Variants in TAF2 observed in about 807,000 individuals in gnomAD.
The protein encoded by TAF2 is transcription initiation factor TFIID subunit 2.
TAF2 carries 61 observed loss-of-function variants against 138.5 expected under a neutral mutation model. The observed-to-expected ratio is 0.44, with a 90% CI of 0.36 to 0.54. The LOEUF is 0.54. Among genes scored for constraint, TAF2 ranks in the 20% least tolerant of loss-of-function variants. The pLI is 0.00. For synonymous variants in TAF2, 475 were observed against 469.9 expected (o/e 1.01, Z -0.14); for missense variants, 1,090 against 1,427.9 (o/e 0.76, Z 3.81).
chr8:119,733,985 GC>G (rs1035577827), intron 25 of TAF2, among the ~76,000 whole-genome samples: 13 of 152,098 alleles, frequency 8.5e-5, no homozygotes, highest in Non-Finnish European at 1.5e-5. Flanking sequence ...GGGTGATTTT[GC>G]CCCCAAAGGG....
intron 18 of TAF2, among the ~76,000 whole-genome samples, chr8:119,765,287 CA>C (rs1821342684): frequency 6.6e-6 from 1 of 151,730 alleles, no homozygotes; most frequent in Non-Finnish European, 1.5e-5. Context: ...ATTTTATTTG[CA>C]AGCAAAACAG....
chr8:119,782,785 T>C (rs1447114848), intron 16 of TAF2, among the ~76,000 whole-genome samples: 1 of 152,206 alleles, frequency 6.6e-6, no homozygotes, highest in East Asian at 1.9e-4. Context: ...TTATCACTAA[T>C]ACCAATTTAT....
intron 25 of TAF2, among the ~76,000 whole-genome samples, chr8:119,735,965 T>C (rs191377207): frequency 9.8e-5 from 15 of 152,336 alleles, no homozygotes; most frequent in African/African-American, 3.6e-4. Flanking sequence ...TGCAGCTTTC[T>C]TGTTGGCTGT....
Position 119,797,512 on chromosome 8 carries a change from A to C in TAF2, c.977+150T>G, listed in dbSNP as rs961891901. ...GTCTTCATGTTTTTCTACATTTAAA[A>C]AATTTTAAAACCAAATTTTGTACAA... is the stretch of plus-strand genomic sequence containing the variant. On this transcript the variant is annotated intron_variant, in intron 7 of 25. Coordinates refer to ENST00000378164, the MANE Select transcript of TAF2 (RefSeq NM_003184.4). 6.4e-6 allele frequency: 5 copies of C among 785,258 alleles called. No homozygotes were observed. The Middle Eastern group carries it at 1.2e-3, about 189-fold the overall frequency. The allele number at this position is 785,258 out of a possible 1,614,324, so 48.6% of individuals were successfully genotyped here.
At position 119,789,733 on chromosome 8, in the gene TAF2, A is replaced by C; in HGVS notation, c.1427T>G (p.Leu476Arg). The change falls in exon 12 of 26, where the codon CTG (leucine) becomes CGG (arginine). Residue 476 changes from leucine (L) to arginine (R), a missense_variant. Leu to Arg is a moderately radical substitution (Grantham distance 102, BLOSUM62 -2). Coordinates refer to ENST00000378164, the MANE Select transcript of TAF2 (RefSeq NM_003184.4). Reference sequence around the variant, plus strand: ...TGAAGCAGTACTAGCCAGACTTAGCAGTTTATTGAAAACCTGTAAGGATAA... The same window carrying C: ...TGAAGCAGTACTAGCCAGACTTAGCCGTTTATTGAAAACCTGTAAGGATAA... ...MEFMLQVFNK[L>R]LSLASTASSQ... The C allele has an allele frequency of 6.2e-7, 1 of 1,613,760 alleles. No homozygotes were observed. The highest frequency in any genetic ancestry group is 8.5e-7 in the Non-Finnish European group (1 of 1,179,878).
chr8:119,775,801 G>A (rs1347511141), intron 18 of TAF2, among the ~76,000 whole-genome samples: 2 of 152,088 alleles, frequency 1.3e-5, no homozygotes, highest in African/African-American at 4.8e-5. Flanking sequence ...GAAATAATGG[G>A]AAAAATAAAT....
intron 6 of TAF2, among the ~76,000 whole-genome samples, chr8:119,799,714 G>A (rs1159982707): frequency 1.3e-5 from 2 of 152,150 alleles, no homozygotes; most frequent in African/African-American, 2.4e-5. Flanking sequence ...CTAGATCCTT[G>A]AGGAATTGCC....
intron 10 of TAF2, 75 bp from the exon 11 acceptor site, chr8:119,791,534 C>G: frequency 1.3e-6 from 2 of 1,514,008 alleles, no homozygotes; most frequent in South Asian, 2.4e-5. Flanking sequence ...ATGACCACAT[C>G]AAGAAAATAC....
chr8:119,799,391 GT>G (rs1563897465), intron 6 of TAF2, among the ~76,000 whole-genome samples: 1 of 151,750 alleles, frequency 6.6e-6, no homozygotes, highest in Admixed American at 6.6e-5. Context: ...CCACCTATGA[GT>G]GAGAACATGT....
intron 2 of TAF2, among the ~76,000 whole-genome samples, chr8:119,820,633 C>A (rs1292756973): frequency 6.6e-6 from 1 of 152,102 alleles, no homozygotes; most frequent in African/African-American, 2.4e-5. Context: ...CCAAACAATT[C>A]CCACTATGCC....
chr8:119,825,663 C>T (rs983678768), intron 2 of TAF2, among the ~76,000 whole-genome samples: 1 of 152,016 alleles, frequency 6.6e-6, no homozygotes, highest in Non-Finnish European at 1.5e-5. Context: ...GATAGTCTCA[C>T]GAGACCTGAC....
intron 2 of TAF2, among the ~76,000 whole-genome samples, chr8:119,822,804 C>T (rs1019692937): frequency 3.9e-5 from 6 of 152,168 alleles, no homozygotes; most frequent in Non-Finnish European, 8.8e-5. Flanking sequence ...TGAAATCCTC[C>T]TGTCCTTGAC....
intron 6 of TAF2, 35 bp from the exon 7 acceptor site, chr8:119,797,881 A>G: frequency 6.2e-7 from 1 of 1,602,224 alleles, no homozygotes; most frequent in Non-Finnish European, 8.5e-7. Context: ...CATCTAAATG[A>G]AAGAGTTAAA....
intron 19 of TAF2, among the ~76,000 whole-genome samples, chr8:119,760,999 A>G (rs1029258002): frequency 6.6e-5 from 10 of 152,190 alleles, no homozygotes; most frequent in African/African-American, 9.7e-5. Flanking sequence ...AGTGTAGTCT[A>G]AGTCCACAGT....
intron 24 of TAF2, 131 bp downstream of exon 24, chr8:119,744,157 C>A: frequency 1.1e-6 from 1 of 900,960 alleles, no homozygotes; most frequent in Non-Finnish European, 1.8e-6. Context: ...TAATCTGCTA[C>A]AATTTAATAT....
chr8:119,774,185 TG>T (rs960232705), intron 18 of TAF2, among the ~76,000 whole-genome samples: 2 of 151,804 alleles, frequency 1.3e-5, no homozygotes, highest in Non-Finnish European at 2.9e-5. Context: ...AAAAAAAAAT[TG>T]ATCTTTTGTA....
chr8:119,815,596 A>G (rs1217574223), intron 3 of TAF2, among the ~76,000 whole-genome samples: 4 of 152,140 alleles, frequency 2.6e-5, no homozygotes, highest in Admixed American at 1.3e-4. Flanking sequence ...TTAAAAAAAA[A>G]AGAAAAGAAA....
At chr8:119,740,662 C>CAAA (rs773347068) in intron 25 of TAF2, among the ~76,000 whole-genome samples, 3 of 51,516 alleles carry the variant, frequency 5.8e-5, no homozygotes, top group African/African-American at 1.5e-4. Flanking sequence ...GAGACTGTCT[C>CAAA]AAAAAAAAAA....
intron 18 of TAF2, among the ~76,000 whole-genome samples, chr8:119,771,305 G>A (rs930987519): frequency 1.8e-4 from 27 of 151,688 alleles, no homozygotes; most frequent in Non-Finnish European, 4.4e-5. Flanking sequence ...GTGCAACCTC[G>A]GCTCACTGCA....
Sources: gnomAD v4.1 joint callset for allele counts (sites outside exome capture counted in the v4.1 genomes callset) on GRCh38, gnomAD v4.1.1 for gene constraint, MANE v1.5 for transcripts, NCBI Gene and HGNC (gene_info 2026-07-23, HGNC 2026-07-21) for gene names.